The following JAZF1 variants were observed in gnomAD, a reference collection of about 807,000 sequenced individuals.
JAZF1 encodes the protein juxtaposed with another zinc finger protein 1.
JAZF1 carries 8 observed loss-of-function variants against 26.4 expected under a neutral mutation model. That is an observed-to-expected ratio of 0.30 (90% CI 0.18 to 0.55). The LOEUF (loss-of-function observed/expected upper bound fraction) is 0.55. Among genes scored for constraint, JAZF1 ranks in the 20% least tolerant of loss-of-function variants. JAZF1 has a pLI of 0.94. For synonymous variants in JAZF1, 126 were observed against 122.3 expected (o/e 1.03, Z -0.20); for missense variants, 199 against 322.0 (o/e 0.62, Z 2.92).
At chr7:28,172,295 T>C (rs1409147478) in intron 1 of JAZF1, among the ~76,000 whole-genome samples, 1 of 152,238 alleles carries the variant, frequency 6.6e-6, no homozygotes, top group Non-Finnish European at 1.5e-5. Context: ...GGCAATGACA[T>C]ATACATTTTT....
At chr7:28,000,610 CTTTCT>C (rs1448651429) in intron 1 of JAZF1, among the ~76,000 whole-genome samples, 6 of 133,606 alleles carry the variant, frequency 4.5e-5, no homozygotes, top group Admixed American at 7.3e-5. Context: ...TTCTTTCTTT[CTTTCT>C]TTCTTTCTTT....
intron 1 of JAZF1, among the ~76,000 whole-genome samples, chr7:28,159,608 G>T (rs1179854024): frequency 6.6e-6 from 1 of 152,108 alleles, no homozygotes. Flanking sequence ...CATTTTGAAG[G>T]ATCACTCTTG....
chr7:28,042,408 C>G (rs761282804), intron 1 of JAZF1, among the ~76,000 whole-genome samples: 1 of 152,118 alleles, frequency 6.6e-6, no homozygotes, highest in Non-Finnish European at 1.5e-5. Flanking sequence ...GGGTTCCTGA[C>G]ATGATCAAGT....
At chr7:27,905,679 G>T (rs1466212241) in intron 2 of JAZF1, among the ~76,000 whole-genome samples, 2 of 150,754 alleles carry the variant, frequency 1.3e-5, no homozygotes, top group East Asian at 3.9e-4. Context: ...ATAACATTGG[G>T]TTGCCAATTT....
At chr7:28,065,114 G>C (rs1783858640) in intron 1 of JAZF1, among the ~76,000 whole-genome samples, 1 of 152,150 alleles carries the variant, frequency 6.6e-6, no homozygotes, top group Non-Finnish European at 1.5e-5. Flanking sequence ...TTGTGGTGTT[G>C]GTGAAAATGA....
intron 3 of JAZF1, among the ~76,000 whole-genome samples, chr7:27,870,678 G>T (rs1583440224): frequency 6.6e-6 from 1 of 152,172 alleles, no homozygotes; most frequent in Non-Finnish European, 1.5e-5. Flanking sequence ...AAGGGTGGAA[G>T]TCCGGCCCCC....
At chr7:28,047,820 G>A (rs920903826) in intron 1 of JAZF1, among the ~76,000 whole-genome samples, 7 of 151,970 alleles carry the variant, frequency 4.6e-5, no homozygotes, top group Non-Finnish European at 1.0e-4. Context: ...ACAATACCAC[G>A]GAGTATTATT....
intron 3 of JAZF1, among the ~76,000 whole-genome samples, chr7:27,893,671 T>C (rs113885628): frequency 1.3e-5 from 2 of 152,220 alleles, no homozygotes; most frequent in Admixed American, 6.5e-5. Flanking sequence ...GCACTTGTCA[T>C]GATTACAGGG....
At chr7:27,851,929 G>A (rs1018460321) in intron 3 of JAZF1, among the ~76,000 whole-genome samples, 1 of 149,428 alleles carries the variant, frequency 6.7e-6, no homozygotes, top group Admixed American at 6.7e-5. Context: ...ATGCCTGGGG[G>A]TTCTGAGTTA....
intron 2 of JAZF1, among the ~76,000 whole-genome samples, chr7:27,932,096 A>C (rs1784696237): frequency 6.6e-6 from 1 of 152,140 alleles, no homozygotes; most frequent in South Asian, 2.1e-4. Context: ...GGGACTGGAG[A>C]AATAAGCCAA....
intron 2 of JAZF1, among the ~76,000 whole-genome samples, chr7:27,968,349 G>A (rs191646908): frequency 6.6e-6 from 1 of 152,250 alleles, no homozygotes; most frequent in Non-Finnish European, 1.5e-5. Context: ...TGAAGTACTT[G>A]TCTTGAAGAT....
intron 1 of JAZF1, among the ~76,000 whole-genome samples, chr7:28,071,227 A>G (rs1459226948): frequency 6.6e-6 from 1 of 152,204 alleles, no homozygotes; most frequent in South Asian, 2.1e-4. Context: ...TTTGACACCA[A>G]AAGAGACTGT....
At chr7:28,068,425 C>A (rs566946119) in intron 1 of JAZF1, among the ~76,000 whole-genome samples, 1 of 152,108 alleles carries the variant, frequency 6.6e-6, no homozygotes, top group Admixed American at 6.5e-5. Flanking sequence ...ATCCTCTTGT[C>A]GTATCAATTA....
intron 1 of JAZF1, among the ~76,000 whole-genome samples, chr7:28,131,878 A>C (rs1479731520): frequency 1.3e-5 from 2 of 152,212 alleles, no homozygotes; most frequent in Non-Finnish European, 2.9e-5. Flanking sequence ...ATTATTTAGA[A>C]GTGATTCTTG....
At chr7:28,053,706 A>G (rs558790917) in intron 1 of JAZF1, among the ~76,000 whole-genome samples, 3 of 152,346 alleles carry the variant, frequency 2.0e-5, no homozygotes, top group Admixed American at 2.0e-4. Context: ...GTTTGAAATG[A>G]AATAGCTTTT....
At chr7:27,917,740 C>T (rs900760327) in intron 2 of JAZF1, among the ~76,000 whole-genome samples, 1 of 152,162 alleles carries the variant, frequency 6.6e-6, no homozygotes, top group Non-Finnish European at 1.5e-5. Flanking sequence ...TACCAGTATT[C>T]AGAAGCCAAG....
intron 1 of JAZF1, among the ~76,000 whole-genome samples, chr7:28,003,140 G>T (rs918076892): frequency 6.6e-6 from 1 of 152,028 alleles, no homozygotes; most frequent in Middle Eastern, 3.4e-3. Context: ...CAAAACAACC[G>T]GAATTCTGGT....
intron 1 of JAZF1, among the ~76,000 whole-genome samples, chr7:28,033,756 G>A (rs887601955): frequency 3.9e-5 from 6 of 151,962 alleles, no homozygotes; most frequent in African/African-American, 1.5e-4. Flanking sequence ...TTTTTGGGGG[G>A]GCAATGGGAG....
chr7:27,910,059 C>G (rs1784334690), intron 2 of JAZF1, among the ~76,000 whole-genome samples: 1 of 152,210 alleles, frequency 6.6e-6, no homozygotes, highest in Admixed American at 6.5e-5. Flanking sequence ...TATATAGAGT[C>G]TATACCATTG....
Sources: allele counts gnomAD v4.1 joint callset (sites outside exome capture counted in the v4.1 genomes callset), GRCh38; gene constraint gnomAD v4.1.1; transcripts MANE v1.5; gene names NCBI Gene and HGNC (gene_info 2026-07-23, HGNC 2026-07-21).